Variants in GPATCH2 observed in about 807,000 individuals in gnomAD.
GPATCH2 encodes G-patch domain containing 2.
A neutral mutation model predicts 58.0 loss-of-function variants in GPATCH2; 51 were observed. The observed-to-expected ratio is 0.88, with a 90% CI of 0.70 to 1.11. The LOEUF is 1.11. Ranked by LOEUF, GPATCH2 falls within the 50% of genes most tolerant of loss-of-function variation. The pLI, the probability that GPATCH2 is intolerant of heterozygous loss-of-function variation, is 0.00. For missense variants in GPATCH2, 625 were observed against 652.2 expected (o/e 0.96, Z 0.45); for synonymous variants, 222 against 218.5 (o/e 1.02, Z -0.14).
chr1:217,606,208 TCA>T (rs1326233942), intron 5 of GPATCH2, among the ~76,000 whole-genome samples: 1 of 151,074 alleles, frequency 6.6e-6, no homozygotes, highest in Non-Finnish European at 1.5e-5. Flanking sequence ...TTTAAGCTAT[TCA>T]TTTAGCTTAA....
At chr1:217,512,905 GGA>G (rs962199118) in intron 6 of GPATCH2, among the ~76,000 whole-genome samples, 3 of 152,224 alleles carry the variant, frequency 2.0e-5, no homozygotes, top group African/African-American at 7.2e-5. Context: ...CTCCAAGAGA[GGA>G]GAGAGAATTG....
intron 9 of GPATCH2, among the ~76,000 whole-genome samples, chr1:217,434,016 G>A (rs558943466): frequency 6.6e-5 from 10 of 152,298 alleles, no homozygotes; most frequent in African/African-American, 2.2e-4. Flanking sequence ...CCAAGAAGAA[G>A]ACTACATCAT....
At chr1:217,552,062 A>G (rs1665389314) in intron 5 of GPATCH2, among the ~76,000 whole-genome samples, 1 of 152,138 alleles carries the variant, frequency 6.6e-6, no homozygotes, top group Admixed American at 6.6e-5. Flanking sequence ...AGTTACTAAC[A>G]TAACTTCAAG....
At chr1:217,552,417 A>G (rs934884436) in intron 5 of GPATCH2, among the ~76,000 whole-genome samples, 1 of 152,158 alleles carries the variant, frequency 6.6e-6, no homozygotes, top group Non-Finnish European at 1.5e-5. Context: ...GTGGCCTAAT[A>G]CAAATTCAAT....
chr1:217,500,033 T>C (rs763215981), intron 6 of GPATCH2, among the ~76,000 whole-genome samples: 1 of 152,168 alleles, frequency 6.6e-6, no homozygotes, highest in Non-Finnish European at 1.5e-5. Flanking sequence ...TTTCCAATTA[T>C]AGCATCTTTT....
chr1:217,600,893 C>T (rs1668072332), intron 5 of GPATCH2, among the ~76,000 whole-genome samples: 1 of 152,014 alleles, frequency 6.6e-6, no homozygotes, highest in African/African-American at 2.4e-5. Context: ...TTTTAGAAAA[C>T]CTTACATTTG....
chr1:217,583,696 A>T (rs1473343056), intron 5 of GPATCH2, among the ~76,000 whole-genome samples: 2 of 152,080 alleles, frequency 1.3e-5, no homozygotes, highest in African/African-American at 4.8e-5. Flanking sequence ...GAAGCACAAC[A>T]TAAAAAAAAG....
rs1669084094 is a variant in GPATCH2 at position 217,619,686 on chromosome 1, TTA to T, written c.773+95_773+96del. ...GTAATATCACTATCATTATTACAATTTATAATTATTTTAAAATAGAATTAATT... is the reference window on the plus strand; with the variant it reads ...GTAATATCACTATCATTATTACAATTTAATTATTTTAAAATAGAATTAATT... On this transcript the variant is annotated intron_variant, in intron 2 of 9. Transcript: ENST00000366935. 6.5e-6 allele frequency: 3 copies of T among 465,072 alleles called. No individual in the cohort carries two copies. In the East Asian group the frequency reaches 1.0e-4, roughly 16 times the overall value. The allele number at this position is 465,072 out of a possible 1,614,324, so 28.8% of individuals were successfully genotyped here. A position where few individuals can be genotyped will look rare whatever the true frequency, so the allele number is the denominator to read the frequency against.
At chr1:217,480,319 CA>C (rs1235151282) in intron 8 of GPATCH2, among the ~76,000 whole-genome samples, 1 of 151,910 alleles carries the variant, frequency 6.6e-6, no homozygotes, top group Non-Finnish European at 1.5e-5. Flanking sequence ...AATCTGATTA[CA>C]AAATGGGCAA....
At chr1:217,583,585 A>T (rs988567760) in intron 5 of GPATCH2, among the ~76,000 whole-genome samples, 1 of 151,422 alleles carries the variant, frequency 6.6e-6, no homozygotes, top group Non-Finnish European at 1.5e-5. Context: ...AAAAAAAAAA[A>T]AAAAAAGATA....
chr1:217,465,021 T>C (rs1283167198), intron 8 of GPATCH2, among the ~76,000 whole-genome samples: 6 of 149,882 alleles, frequency 4.0e-5, no homozygotes, highest in Non-Finnish European at 7.4e-5. Flanking sequence ...ACTAGAGAGG[T>C]TGAGAAATAA....
intron 9 of GPATCH2, among the ~76,000 whole-genome samples, chr1:217,437,810 C>T (rs1658913392): frequency 1.3e-5 from 2 of 152,218 alleles, no homozygotes; most frequent in African/African-American, 4.8e-5. Flanking sequence ...GGCACAGCTT[C>T]AGCAGACTTA....
chr1:217,476,235 AGTGTGTGT>A lies in GPATCH2; in HGVS notation c.1277+15437_1277+15444del, dbSNP rs60995546. On this transcript the variant is annotated intron_variant, in intron 8 of 9. Coordinates refer to ENST00000366935, the MANE Select transcript of GPATCH2 (RefSeq NM_018040.5). ...AAAGAGGGAAAGAAATCCAGATATG[AGTGTGTGT>A]GTGTGTGTGTGTGTGTGTGTGTGTA... 4.6e-4 allele frequency among the ~76,000 whole-genome samples: 68 copies of A among 146,286 alleles called. 1 individual carries two copies. Among genetic ancestry groups the A allele is most frequent in the African/African-American group, 1.4e-3 (57 of 39,578 alleles).
chr1:217,556,930 T>C (rs1665661695), intron 5 of GPATCH2, among the ~76,000 whole-genome samples: 1 of 152,258 alleles, frequency 6.6e-6, no homozygotes, highest in Admixed American at 6.5e-5. Flanking sequence ...TACAGTTTCC[T>C]ACTTTCTAAT....
At chr1:217,453,711 T>C (rs566153579) in intron 8 of GPATCH2, among the ~76,000 whole-genome samples, 1 of 152,096 alleles carries the variant, frequency 6.6e-6, no homozygotes, top group Non-Finnish European at 1.5e-5. Flanking sequence ...AAAACTCTAC[T>C]GAGAACCACC....
chr1:217,499,610 T>C (rs995862946), intron 6 of GPATCH2, among the ~76,000 whole-genome samples: 2 of 152,130 alleles, frequency 1.3e-5, no homozygotes, highest in Non-Finnish European at 1.5e-5. Context: ...CCACCAGTGA[T>C]GGGGGAATGT....
Position 217,430,297 on chromosome 1 carries a change from G to A in GPATCH2, c.*848C>T, listed in dbSNP as rs540377611. On this transcript the variant is annotated 3_prime_UTR_variant, in exon 10 of 10. Transcript: ENST00000366935. ...CTCCAATGATTAAAATTTTAAATCC[G>A]TTTACTACACTTGAGTTGATCTTAA... 5.9e-5 allele frequency: 9 copies of A among 152,222 alleles called. No homozygotes were observed. In the East Asian group the frequency reaches 7.7e-4, roughly 13 times the overall value. 9.4% of individuals were successfully genotyped at this position (152,222 alleles called of 1,614,324 possible). A position where few individuals can be genotyped will look rare whatever the true frequency, so the allele number is the denominator to read the frequency against.
chr1:217,553,115 T>C (rs1036693847), intron 5 of GPATCH2, among the ~76,000 whole-genome samples: 2 of 152,054 alleles, frequency 1.3e-5, no homozygotes, highest in African/African-American at 4.8e-5. Context: ...AAAAAATAGT[T>C]ATACGATCAT....
chr1:217,615,863 T>G (rs1323062468), intron 2 of GPATCH2, among the ~76,000 whole-genome samples: 1 of 152,142 alleles, frequency 6.6e-6, no homozygotes, highest in African/African-American at 2.4e-5. Context: ...GCATTATGAA[T>G]TGATGTGCTA....
Sources: allele counts gnomAD v4.1 joint callset (sites outside exome capture counted in the v4.1 genomes callset), GRCh38; gene constraint gnomAD v4.1.1; transcripts MANE v1.5; gene names NCBI Gene and HGNC (gene_info 2026-07-23, HGNC 2026-07-21).